Variants in CREB5 observed in about 807,000 individuals in gnomAD.
CREB5 encodes cAMP responsive element binding protein 5, also known as cyclic AMP-responsive element-binding protein 5.
A neutral mutation model predicts 57.1 loss-of-function variants in CREB5; 19 were observed. That is an observed-to-expected ratio of 0.33 (90% CI 0.23 to 0.49). The LOEUF (loss-of-function observed/expected upper bound fraction) is 0.49. Ranked by LOEUF, CREB5 falls within the 20% of genes least tolerant of loss-of-function variation. CREB5 has a pLI of 0.99. For synonymous variants in CREB5, 238 were observed against 238.3 expected (o/e 1.00, Z 0.01); for missense variants, 579 against 671.6 (o/e 0.86, Z 1.52).
chr7:28,671,886 T>G (rs1370216450), intron 5 of CREB5, among the ~76,000 whole-genome samples: 1 of 152,224 alleles, frequency 6.6e-6, no homozygotes, highest in Non-Finnish European at 1.5e-5. Flanking sequence ...CTTAGTACAT[T>G]GCTTGGCATT....
At chr7:28,721,307 C>T (rs1803019958) in intron 6 of CREB5, among the ~76,000 whole-genome samples, 1 of 152,208 alleles carries the variant, frequency 6.6e-6, no homozygotes. Flanking sequence ...CAATATTCAA[C>T]AGGCCTCAGG....
At chr7:28,495,041 T>C in intron 3 of CREB5, 42 bp downstream of exon 3, 2 of 1,411,458 alleles carry the variant, frequency 1.4e-6, no homozygotes, top group Non-Finnish European at 1.9e-6. Context: ...TGATCAGATC[T>C]GTTCCATGCG....
chr7:28,751,627 A>G (rs1467155627), intron 7 of CREB5, among the ~76,000 whole-genome samples: 1 of 152,220 alleles, frequency 6.6e-6, no homozygotes, highest in African/African-American at 2.4e-5. Flanking sequence ...AAACAATTTT[A>G]AACTAATGGA....
chr7:28,596,283 C>T (rs1333747197), intron 5 of CREB5, among the ~76,000 whole-genome samples: 3 of 152,178 alleles, frequency 2.0e-5, no homozygotes, highest in South Asian at 4.1e-4. Flanking sequence ...GAAGCTCTAA[C>T]TCAAACAAAC....
At chr7:28,357,217 A>C (rs1786364685) in intron 1 of CREB5, among the ~76,000 whole-genome samples, 1 of 152,178 alleles carries the variant, frequency 6.6e-6, no homozygotes, top group African/African-American at 2.4e-5. Context: ...CTGATGTCCA[A>C]ATTCTACAGC....
At chr7:28,494,871 C>G (rs369761252) in intron 2 of CREB5, 35 bp from the exon 3 acceptor site, 96 of 1,346,778 alleles carry the variant, frequency 7.1e-5, no homozygotes, top group Middle Eastern at 2.1e-4. Flanking sequence ...AATGGCTCCT[C>G]TTCTCCCCTC....
At chr7:28,616,439 C>T (rs1458088116) in intron 5 of CREB5, among the ~76,000 whole-genome samples, 2 of 152,084 alleles carry the variant, frequency 1.3e-5, no homozygotes, top group African/African-American at 4.8e-5. Context: ...GCGTGTGACC[C>T]ATTTATTCTG....
chr7:28,355,206 A>G (rs1379327816), intron 1 of CREB5, among the ~76,000 whole-genome samples: 1 of 152,230 alleles, frequency 6.6e-6, no homozygotes, highest in Non-Finnish European at 1.5e-5. Context: ...ACAGGTTACA[A>G]GACAGAGCTC....
chr7:28,363,674 T>G (rs993558430), intron 1 of CREB5, among the ~76,000 whole-genome samples: 1 of 152,054 alleles, frequency 6.6e-6, no homozygotes, highest in African/African-American at 2.4e-5. Flanking sequence ...CACAGTACAG[T>G]GCCCCACATA....
chr7:28,390,209 T>C (rs547894019), intron 1 of CREB5, among the ~76,000 whole-genome samples: 1 of 152,284 alleles, frequency 6.6e-6, no homozygotes, highest in Admixed American at 6.5e-5. Context: ...TGAATCAGAC[T>C]TTTAATAAGT....
At chr7:28,478,292 G>T (rs991020620) in intron 1 of CREB5, among the ~76,000 whole-genome samples, 1 of 152,036 alleles carries the variant, frequency 6.6e-6, no homozygotes, top group African/African-American at 2.4e-5. Flanking sequence ...CATGAGTTTT[G>T]AGTCTTGAGC....
chr7:28,757,957 A>G (rs766848188), intron 7 of CREB5, among the ~76,000 whole-genome samples: 87 of 152,142 alleles, frequency 5.7e-4, no homozygotes, highest in Non-Finnish European at 8.4e-4. Flanking sequence ...GGGGTGTTCA[A>G]TCTGTAGTCC....
chr7:28,758,486 G>A (rs1476477293), intron 7 of CREB5, among the ~76,000 whole-genome samples: 3 of 152,170 alleles, frequency 2.0e-5, no homozygotes, highest in Non-Finnish European at 4.4e-5. Context: ...GGGAAAGTCA[G>A]TCAAATTAGT....
At chr7:28,499,407 C>T (rs1330326255) in intron 3 of CREB5, among the ~76,000 whole-genome samples, 1 of 152,060 alleles carries the variant, frequency 6.6e-6, no homozygotes, top group African/African-American at 2.4e-5. Flanking sequence ...CACATGTGTC[C>T]TCTCATGTGC....
At chr7:28,724,146 A>G in intron 6 of CREB5, 76 bp from the exon 7 acceptor site, 2 of 1,256,352 alleles carry the variant, frequency 1.6e-6, no homozygotes, top group Non-Finnish European at 2.2e-6. Flanking sequence ...GATCCATTGG[A>G]CAGAAAAGTG....
chr7:28,305,731 T>C (rs1785170519), intron 1 of CREB5, among the ~76,000 whole-genome samples: 1 of 151,958 alleles, frequency 6.6e-6, no homozygotes, highest in Admixed American at 6.5e-5. Flanking sequence ...TTTTTTTTTT[T>C]TTAAACTTCA....
chr7:28,738,397 G>A (rs141570405), intron 7 of CREB5, among the ~76,000 whole-genome samples: 20 of 152,314 alleles, frequency 1.3e-4, no homozygotes, highest in Non-Finnish European at 2.1e-4. Flanking sequence ...GTTCGGTCTC[G>A]AGGACATGGT....
chr7:28,527,374 G>A (rs1384999491), intron 4 of CREB5, among the ~76,000 whole-genome samples: 2 of 152,144 alleles, frequency 1.3e-5, no homozygotes, highest in Non-Finnish European at 2.9e-5. Context: ...TGCTGCATTG[G>A]AATTACCAAT....
intron 1 of CREB5, among the ~76,000 whole-genome samples, chr7:28,405,422 C>T (rs1047225086): frequency 6.6e-6 from 1 of 152,008 alleles, no homozygotes; most frequent in Non-Finnish European, 1.5e-5. Context: ...GTCTCTTTTC[C>T]TTTTTTTGAA....
Sources: gnomAD v4.1 joint callset for allele counts (sites outside exome capture counted in the v4.1 genomes callset) on GRCh38, gnomAD v4.1.1 for gene constraint, MANE v1.5 for transcripts, NCBI Gene and HGNC (gene_info 2026-07-23, HGNC 2026-07-21) for gene names.